Variants in PIAS2 observed in about 807,000 individuals in gnomAD.
PIAS2 encodes E3 SUMO-protein ligase PIAS2.
A neutral mutation model predicts 69.7 loss-of-function variants in PIAS2; 19 were observed. That is an observed-to-expected ratio of 0.27 (90% CI 0.19 to 0.40). The LOEUF (loss-of-function observed/expected upper bound fraction) is 0.40, where lower values mean the gene tolerates loss of function less well. Ranked by LOEUF, PIAS2 falls within the 10% of genes least tolerant of loss-of-function variation. The pLI is 1.00. For synonymous variants in PIAS2, 261 were observed against 263.2 expected (o/e 0.99, Z 0.08); for missense variants, 624 against 757.0 (o/e 0.82, Z 2.06).
intron 5 of PIAS2, among the ~76,000 whole-genome samples, chr18:46,850,255 T>G (rs2046769584): frequency 6.6e-6 from 1 of 152,212 alleles, no homozygotes; most frequent in South Asian, 2.1e-4. Context: ...TTTCTCCAGA[T>G]GTAGTTTAGT....
At chr18:46,830,067 T>C (rs758000271) in intron 9 of PIAS2, among the ~76,000 whole-genome samples, 200 bp from the exon 10 acceptor site, 2 of 152,162 alleles carry the variant, frequency 1.3e-5, no homozygotes, top group Non-Finnish European at 2.9e-5. Flanking sequence ...GGCAACATAA[T>C]AGTTAAGTAA....
chr18:46,861,787 T>C (rs866279643), intron 3 of PIAS2, among the ~76,000 whole-genome samples: 2 of 152,132 alleles, frequency 1.3e-5, no homozygotes, highest in African/African-American at 2.4e-5. Flanking sequence ...CTGTAACAGA[T>C]TGAAGCAGAG....
intron 12 of PIAS2, 55 bp from the exon 13 acceptor site, chr18:46,815,404 A>G: frequency 6.2e-7 from 1 of 1,606,532 alleles, no homozygotes; most frequent in South Asian, 1.1e-5. Context: ...GACCAGAATT[A>G]TTTCCCTAAA....
At chr18:46,904,771 C>A (rs868315053) in intron 1 of PIAS2, among the ~76,000 whole-genome samples, 1,485 of 140,930 alleles carry the variant, frequency 0.011, 13 homozygotes, top group Non-Finnish European at 0.017. Context: ...AAAAAAAAAA[C>A]AGAGATGGGG....
At chr18:46,855,991 T>TG (rs2047692976) in intron 3 of PIAS2, among the ~76,000 whole-genome samples, 1 of 141,280 alleles carries the variant, frequency 7.1e-6, no homozygotes, top group Non-Finnish European at 1.5e-5. Flanking sequence ...TTTTTCTTTT[T>TG]CTTTTGTTTT....
At chr18:46,842,587 C>T (rs1230155932) in intron 8 of PIAS2, among the ~76,000 whole-genome samples, 2 of 152,130 alleles carry the variant, frequency 1.3e-5, no homozygotes, top group Admixed American at 6.5e-5. Context: ...AATAAAAAAT[C>T]GTCAATATCC....
intron 6 of PIAS2, among the ~76,000 whole-genome samples, chr18:46,845,125 C>G (rs891054414): frequency 6.6e-6 from 1 of 152,144 alleles, no homozygotes; most frequent in African/African-American, 2.4e-5. Flanking sequence ...TCTTATTTAG[C>G]AAAACTGGTA....
chr18:46,815,435 A>G (rs1489898162), intron 12 of PIAS2, 86 bp from the exon 13 acceptor site: 32 of 1,597,656 alleles, frequency 2.0e-5, no homozygotes. Flanking sequence ...CACAAATCAC[A>G]AAACATTTGT....
chr18:46,864,298 A>G (rs1172010125), intron 2 of PIAS2, 50 bp from the exon 3 acceptor site: 1 of 1,233,224 alleles, frequency 8.1e-7, no homozygotes. Context: ...CAAATCCAAC[A>G]CTACAACCAC....
intron 2 of PIAS2, among the ~76,000 whole-genome samples, chr18:46,889,610 C>T (rs1443866826): frequency 6.6e-6 from 1 of 151,918 alleles, no homozygotes; most frequent in Non-Finnish European, 1.5e-5. Context: ...GAAACTGGAA[C>T]CCTTGTGCAC....
At chr18:46,816,794 T>A in intron 12 of PIAS2, 2 of 985,098 alleles carry the variant, frequency 2.0e-6, no homozygotes, top group Non-Finnish European at 2.4e-6. Flanking sequence ...TTCATATGTC[T>A]GTCACTAGCT....
chr18:46,821,399 A>G (rs533075421), intron 11 of PIAS2, among the ~76,000 whole-genome samples: 1 of 152,314 alleles, frequency 6.6e-6, no homozygotes, highest in African/African-American at 2.4e-5. Context: ...TAATATGTAT[A>G]TGGGTATCAG....
Position 46,855,995 on chromosome 18 carries a change from TTG to T in PIAS2, c.585-382_585-381del, listed in dbSNP as rs1176796224. Among the ~76,000 whole-genome samples, 290 of 131,866 alleles carry T rather than the reference TTG, an allele frequency of 2.2e-3. 4 individuals are homozygous for T. The highest frequency in any genetic ancestry group is 8.5e-3 in the African/African-American group (273 of 32,168). The allele number at this position is 131,866 out of a possible 152,430, so 86.5% of individuals were successfully genotyped here. A position where few individuals can be genotyped will look rare whatever the true frequency, so the allele number is the denominator to read the frequency against. Reference sequence around the variant, plus strand: ...ACTTGAAGACTTTTTTCTTTTTCTTTTGTTTTTTTTTTTTTTTTTTTTTTTTT... The same window carrying T: ...ACTTGAAGACTTTTTTCTTTTTCTTTTTTTTTTTTTTTTTTTTTTTTTTTT... On this transcript the variant is annotated intron_variant, in intron 3 of 13. Transcript: ENST00000585916.
intron 2 of PIAS2, among the ~76,000 whole-genome samples, chr18:46,889,821 C>T (rs559828083): frequency 6.6e-6 from 1 of 152,238 alleles, no homozygotes; most frequent in South Asian, 2.1e-4. Flanking sequence ...TGGGAGCAAC[C>T]CAAGTGTCCA....
intron 1 of PIAS2, chr18:46,917,094 A>T (rs913197932): frequency 1.0e-6 from 1 of 989,062 alleles, no homozygotes; most frequent in African/African-American, 1.8e-5. Context: ...AGCACTCAGG[A>T]GCCGGCTCGC....
chr18:46,831,412 C>A (rs910418543), intron 9 of PIAS2, among the ~76,000 whole-genome samples: 5 of 152,264 alleles, frequency 3.3e-5, no homozygotes, highest in African/African-American at 1.2e-4. Context: ...ACTCAATACT[C>A]TTATGTCACC....
At chr18:46,874,191 A>C (rs945757576) in intron 2 of PIAS2, among the ~76,000 whole-genome samples, 12 of 152,328 alleles carry the variant, frequency 7.9e-5, no homozygotes, top group African/African-American at 2.6e-4. Flanking sequence ...CACCCATCGG[A>C]GGAAGAACCC....
chr18:46,877,932 C>G (rs1257927484), intron 2 of PIAS2, among the ~76,000 whole-genome samples: 1 of 152,106 alleles, frequency 6.6e-6, no homozygotes, highest in African/African-American at 2.4e-5. Flanking sequence ...TATACAGCAA[C>G]AGTAAATGAA....
At chr18:46,915,102 G>C (rs568008294) in intron 1 of PIAS2, 58 of 151,670 alleles carry the variant, frequency 3.8e-4, no homozygotes, top group Admixed American at 3.4e-3. Flanking sequence ...AGTGTAGCCC[G>C]GGCTCTGAAA....
Sources: gnomAD v4.1 joint callset for allele counts (sites outside exome capture counted in the v4.1 genomes callset) on GRCh38, gnomAD v4.1.1 for gene constraint, MANE v1.5 for transcripts, NCBI Gene and HGNC (gene_info 2026-07-23, HGNC 2026-07-21) for gene names.